Variants in TSKS observed in about 807,000 individuals in gnomAD.
TSKS encodes testis-specific serine kinase substrate.
A neutral mutation model predicts 68.0 loss-of-function variants in TSKS; 27 were observed. That is an observed-to-expected ratio of 0.40 (90% CI 0.29 to 0.55). TSKS has a LOEUF of 0.55. TSKS is among the 20% of genes least tolerant of loss of function. TSKS has a pLI of 0.53. For missense variants in TSKS, 806 were observed against 776.0 expected, an observed-to-expected ratio of 1.04 and a Z score of -0.46; for synonymous variants, 331 against 340.4, an observed-to-expected ratio of 0.97 and a Z score of 0.30.
In TSKS at chr19:49,739,824, G is replaced by A. The variant is rs781750996; in HGVS notation, c.1731C>T (p.Ser577=). The change falls in exon 11 of 11, where the codon AGC becomes AGT. Residue 577 remains serine, a synonymous_variant. Transcript: ENST00000246801. ...CCTGTTTTGGGGGGGTTCCTGCACT[G>A]CTGCCTCCCCCCATTGTTCCCGTGG... ...EGSTGTMGGG[S]SAGTPPKQGG... The A allele has an allele frequency of 6.2e-7, 1 of 1,608,428 alleles. No individual in the cohort carries two copies. Among genetic ancestry groups the A allele is most frequent in the South Asian group, 1.1e-5 (1 of 90,934 alleles).
chr19:49,741,353 G>A (rs1019969866), intron 9 of TSKS, among the ~76,000 whole-genome samples: 6 of 152,028 alleles, frequency 3.9e-5, no homozygotes, highest in African/African-American at 1.4e-4. Flanking sequence ...AGTACATTAG[G>A]TCAATATCCC....
At position 49,763,238 on chromosome 19, in the gene TSKS, CGCTCGCCATGGTGTGGGGGTCTGG is replaced by C. The variant is rs763083728; in HGVS notation, c.-15_9del. On this transcript the variant is annotated start_lost and 5_prime_UTR_variant, in exon 1 of 11. Transcript: ENST00000246801. The surrounding 1 kb of genome is among the most constrained non-coding windows in gnomAD (Gnocchi z 4.5). Reference sequence around the variant, plus strand: ...GACTGCCAGATCGTCTTCACCACCACGCTCGCCATGGTGTGGGGGTCTGGCTCCCAGGGAGGGGCTCCTTCCTCT... The same window carrying C: ...GACTGCCAGATCGTCTTCACCACCACCTCCCAGGGAGGGGCTCCTTCCTCT... 2.7e-6 allele frequency: 4 copies of C among 1,498,676 alleles called. No homozygotes were observed. Among genetic ancestry groups the C allele is most frequent in the Non-Finnish European group, 3.6e-6 (4 of 1,124,834 alleles). The allele number at this position is 1,498,676 out of a possible 1,614,324, so 92.8% of individuals were successfully genotyped here.
Position 49,744,408 on chromosome 19 carries a change from A to G in TSKS, c.1188-4T>C. The G allele has an allele frequency of 6.2e-7, 1 of 1,611,322 alleles. No individual in the cohort carries two copies. On this transcript the variant is annotated splice_region_variant and splice_polypyrimidine_tract_variant and intron_variant, in intron 7 of 10. Transcript: ENST00000246801. ...AGACACTGCTGACCGCTCCACCCTGAGGCATGAGTAACCAGTGCTGCTGGG... is the reference window on the plus strand; with the variant it reads ...AGACACTGCTGACCGCTCCACCCTGGGGCATGAGTAACCAGTGCTGCTGGG...
chr19:49,746,471 T>C lies in TSKS; in HGVS notation c.991A>G (p.Arg331Gly), dbSNP rs376651699. The C allele has an allele frequency of 1.4e-5, 23 of 1,613,680 alleles. No individual in the cohort carries two copies. The highest frequency in any genetic ancestry group is 4.0e-5 in the African/African-American group (3 of 74,900). The stretch of plus-strand genomic sequence containing the variant: ...GCTCCGCCCCTAGGTCCCGCCCACC[T>C]CAGCTCTTCGATGCCGGTGAACAGC... Reference protein sequence around the residue: ...QKLFTGIEELRREVSSLTARW... With the variant: ...QKLFTGIEELGREVSSLTARW... The change falls in exon 6 of 11, where the codon AGG becomes GGG. Residue 331 changes from arginine to glycine, a missense_variant and splice_region_variant. Coordinates refer to ENST00000246801, the MANE Select transcript of TSKS (RefSeq NM_021733.2).
intron 8 of TSKS, among the ~76,000 whole-genome samples, chr19:49,743,406 C>T (rs747737658): frequency 6.6e-6 from 1 of 151,360 alleles, no homozygotes; most frequent in Non-Finnish European, 1.5e-5. Flanking sequence ...TTTATTGAGA[C>T]ACAGTTTCAC....
chr19:49,753,591 T>TAATAATAATAATAAA (rs1477274151), intron 2 of TSKS, among the ~76,000 whole-genome samples: 2 of 145,886 alleles, frequency 1.4e-5, no homozygotes, highest in African/African-American at 5.0e-5. Context: ...ATAATAATAA[T>TAATAATAATAATAAA]AATAAAATAA....
chr19:49,745,281 C>G lies in TSKS; in HGVS notation c.1108G>C (p.Glu370Gln). The G allele has an allele frequency of 6.2e-7, 1 of 1,607,514 alleles. No homozygotes were observed. Among genetic ancestry groups the G allele is most frequent in the Admixed American group, 1.7e-5 (1 of 59,976 alleles). The change falls in exon 7 of 11, where the codon GAG (glutamate) becomes CAG (glutamine). Residue 370 changes from glutamate to glutamine, a missense_variant. Coordinates refer to ENST00000246801, the MANE Select transcript of TSKS (RefSeq NM_021733.2). ...TGTGCCTGTTCGCGCTGTGCCCGCTCCCACTGGCCTAGGAAGCCGTCGACC... is the reference window on the plus strand; with the variant it reads ...TGTGCCTGTTCGCGCTGTGCCCGCTGCCACTGGCCTAGGAAGCCGTCGACC... ...GRVDGFLGQW[E>Q]RAQREQAQTA...
At chr19:49,762,389 C>T (rs1016784906) in intron 1 of TSKS, among the ~76,000 whole-genome samples, 157 bp from the exon 2 acceptor site, 31 of 151,994 alleles carry the variant, frequency 2.0e-4, no homozygotes, top group African/African-American at 7.2e-4. Context: ...ATTCTCCTTC[C>T]CTGTGCTGCC....
At chr19:49,743,347 G>A (rs749389993) in intron 8 of TSKS, among the ~76,000 whole-genome samples, 6 of 151,822 alleles carry the variant, frequency 4.0e-5, no homozygotes, top group Non-Finnish European at 7.4e-5. Context: ...CAAAGTGCTG[G>A]GATAACAGGT....
At chr19:49,748,272 C>T (rs2123611031) in intron 3 of TSKS, 102 bp downstream of exon 3, 1 of 1,558,814 alleles carries the variant, frequency 6.4e-7, no homozygotes, top group Non-Finnish European at 8.8e-7. Context: ...GAGCCTCAAG[C>T]TCCCCAACTG....
intron 3 of TSKS, 97 bp from the exon 4 acceptor site, chr19:49,748,265 C>T: frequency 1.9e-6 from 3 of 1,560,434 alleles, no homozygotes; most frequent in Non-Finnish European, 2.6e-6. Flanking sequence ...TCTTTCTGAG[C>T]CTCAAGCTCC....
intron 2 of TSKS, among the ~76,000 whole-genome samples, chr19:49,761,612 C>G (rs776297078): frequency 5.3e-5 from 8 of 152,202 alleles, no homozygotes; most frequent in Non-Finnish European, 8.8e-5. Flanking sequence ...GCACAGGGAT[C>G]TGGCCTGTTT....
chr19:49,761,659 CTG>C (rs1263106285), intron 2 of TSKS, among the ~76,000 whole-genome samples: 6 of 152,288 alleles, frequency 3.9e-5, no homozygotes, highest in Middle Eastern at 6.8e-3. Flanking sequence ...TTGGGAGTGA[CTG>C]TGTGAACTGA....
intron 2 of TSKS, among the ~76,000 whole-genome samples, chr19:49,755,360 GAACA>G (rs2084384276): frequency 6.6e-6 from 1 of 152,124 alleles, no homozygotes; most frequent in Admixed American, 6.5e-5. Flanking sequence ...TTGATGATTT[GAACA>G]TAAATCCACA....
chr19:49,748,003 C>T, intron 4 of TSKS, 82 bp downstream of exon 4: 1 of 1,371,620 alleles, frequency 7.3e-7, no homozygotes, highest in Non-Finnish European at 1.0e-6. Context: ...GCCACTGCAC[C>T]CAGCCTCCTC....
At chr19:49,758,873 T>C (rs979009835) in intron 2 of TSKS, among the ~76,000 whole-genome samples, 1 of 152,086 alleles carries the variant, frequency 6.6e-6, no homozygotes, top group Non-Finnish European at 1.5e-5. Flanking sequence ...TTTTTTTTTT[T>C]TGAGACGGAG....
intron 5 of TSKS, 158 bp downstream of exon 5, chr19:49,747,231 G>T: frequency 6.5e-7 from 1 of 1,543,040 alleles, no homozygotes. Flanking sequence ...AGCCTCATTT[G>T]AATCCCTCTT....
At position 49,762,221 on chromosome 19, in the gene TSKS, T is replaced by C; in HGVS notation, c.182A>G (p.Gln61Arg). 1 of 1,613,814 alleles carries C rather than the reference T, an allele frequency of 6.2e-7. No individual in the cohort carries two copies. Among genetic ancestry groups the C allele is most frequent in the Non-Finnish European group, 8.5e-7 (1 of 1,179,932 alleles). The change falls in exon 2 of 11, where the codon CAG (glutamine) becomes CGG (arginine). Residue 61 changes from glutamine (Q) to arginine (R), a missense_variant. By Grantham distance (43) the Gln-to-Arg change is conservative. Coordinates refer to ENST00000246801, the MANE Select transcript of TSKS (RefSeq NM_021733.2). ...CCAGTGCATGGGCTGATGGGACATC[T>C]GGGGCTCCACCCTGCAGAGAAGAAA... ...KAVSFHGVEP[Q>R]MSHQPMHWCL...
At chr19:49,755,792 G>A (rs1394621136) in intron 2 of TSKS, among the ~76,000 whole-genome samples, 1 of 151,924 alleles carries the variant, frequency 6.6e-6, no homozygotes, top group Non-Finnish European at 1.5e-5. Context: ...TATGAGGTTA[G>A]GAGTTTGAAA....
Sources: allele counts gnomAD v4.1 joint callset (sites outside exome capture counted in the v4.1 genomes callset), GRCh38; gene constraint gnomAD v4.1.1; non-coding constraint Gnocchi (gnomAD v3.1); transcripts MANE v1.5; gene names NCBI Gene and HGNC (gene_info 2026-07-23, HGNC 2026-07-21).